TMC7: variants seen among roughly 807,000 people sequenced by gnomAD.
The protein encoded by TMC7 is transmembrane channel like 7.
In TMC7, 54 loss-of-function variants were observed where a neutral mutation model predicts 82.9. The observed-to-expected ratio is 0.65, with a 90% CI of 0.52 to 0.82. TMC7 has a LOEUF of 0.82. Ranked by LOEUF, TMC7 falls within the 40% of genes least tolerant of loss-of-function variation. TMC7 has a pLI of 0.00. For missense variants in TMC7, 820 were observed against 901.2 expected (o/e 0.91, Z 1.15); for synonymous variants, 350 against 337.9 (o/e 1.04, Z -0.39).
chr16:18,990,492 A>T (rs976967996), intron 1 of TMC7, among the ~76,000 whole-genome samples: 1 of 152,142 alleles, frequency 6.6e-6, no homozygotes, highest in Non-Finnish European at 1.5e-5. Context: ...ACAGGGTTTC[A>T]CCAGATTGGC....
At chr16:19,034,055 A>G (rs570686079) in intron 6 of TMC7, among the ~76,000 whole-genome samples, 6 of 152,332 alleles carry the variant, frequency 3.9e-5, no homozygotes, top group Admixed American at 6.5e-5. Context: ...AAGCATTTGA[A>G]TGAATAAAAA....
At chr16:19,031,943 G>A (rs1960535840) in intron 6 of TMC7, among the ~76,000 whole-genome samples, 1 of 152,166 alleles carries the variant, frequency 6.6e-6, no homozygotes, top group Non-Finnish European at 1.5e-5. Context: ...CTACAGCTCA[G>A]TCACATGACT....
chr16:19,052,645 C>G (rs868737804), intron 13 of TMC7, among the ~76,000 whole-genome samples: 1 of 152,080 alleles, frequency 6.6e-6, no homozygotes, highest in Non-Finnish European at 1.5e-5. Flanking sequence ...GACCTTGTCT[C>G]AAATTAAAAA....
intron 8 of TMC7, among the ~76,000 whole-genome samples, chr16:19,038,828 T>A (rs1255800887): frequency 3.3e-5 from 5 of 152,016 alleles, no homozygotes; most frequent in African/African-American, 4.8e-5. Context: ...TTAGAGAAAA[T>A]TTTAAAAGCA....
Position 19,016,487 on chromosome 16 carries a change from T to C in TMC7, c.349T>C (p.Trp117Arg), listed in dbSNP as rs1193924940. ...QETQMKYLSE[W>R]DQWKRYSSKS... is the part of the protein sequence containing the mutation. ...GACACAAATGAAGTATCTCTCCGAA[T>C]GGGACCAGTGGAAGCGGTATAGCAG... The change falls in exon 3 of 16, where the codon TGG (tryptophan) becomes CGG (arginine). Residue 117 changes from tryptophan (W) to arginine (R), a missense_variant. Coordinates refer to ENST00000304381, the MANE Select transcript of TMC7 (RefSeq NM_024847.4). The C allele has an allele frequency of 3.7e-6, 6 of 1,614,082 alleles. No individual in the cohort carries two copies. Among genetic ancestry groups the C allele is most frequent in the African/African-American group, 2.7e-5 (2 of 74,942 alleles).
intron 3 of TMC7, among the ~76,000 whole-genome samples, chr16:19,018,435 A>G (rs1040218079): frequency 4.6e-5 from 7 of 152,206 alleles, no homozygotes; most frequent in African/African-American, 1.7e-4. Context: ...GCTCTGAGAA[A>G]GAGTGCAAAC....
chr16:19,033,903 A>T (rs1960625738), intron 6 of TMC7: 1 of 152,184 alleles, frequency 6.6e-6, no homozygotes, highest in African/African-American at 2.4e-5. Context: ...CTTTGGCAGA[A>T]TGACTGATCA....
At chr16:19,054,667 A>ATTGCACCAAT (rs1961687741) in intron 13 of TMC7, among the ~76,000 whole-genome samples, 1 of 147,862 alleles carries the variant, frequency 6.8e-6, no homozygotes, top group African/African-American at 2.5e-5. Context: ...GTGAGCCGAG[A>ATTGCACCAAT]TTGCACCAAT....
chr16:19,009,232 T>A lies in TMC7; in HGVS notation c.128T>A (p.Leu43Ter). 6.2e-7 allele frequency: 1 copy of A among 1,614,180 alleles called. No homozygotes were observed. The highest frequency in any genetic ancestry group is 8.5e-7 in the Non-Finnish European group (1 of 1,180,022). ...SSPPVNFLQELPSYRSIARRR... is the reference protein window; with the variant it reads ...SSPPVNFLQE ...CCACCTGTGAACTTCCTCCAAGAAT[T>A]GCCAAGCTACCGGTCCATTGCACGT... Residue 43 changes from leucine (L) to a stop codon, truncating the protein, a stop_gained, in exon 2 of 16, where the codon TTG becomes TAG. Transcript: ENST00000304381. LOFTEE classifies it high-confidence loss of function.
intron 14 of TMC7, among the ~76,000 whole-genome samples, chr16:19,058,400 A>AATAT (rs1961865506): frequency 7.3e-6 from 1 of 136,220 alleles, no homozygotes; most frequent in Non-Finnish European, 1.6e-5. Context: ...TAAATAAATA[A>AATAT]AATAAATAAA....
chr16:18,985,093 C>G (rs1186081173), intron 1 of TMC7, among the ~76,000 whole-genome samples: 2 of 152,092 alleles, frequency 1.3e-5, no homozygotes, highest in Admixed American at 6.6e-5. Flanking sequence ...AACCCCATCT[C>G]TACTGAAGAT....
intron 1 of TMC7, among the ~76,000 whole-genome samples, chr16:18,997,979 G>A (rs1257599478): frequency 1.3e-5 from 2 of 151,828 alleles, no homozygotes; most frequent in Non-Finnish European, 2.9e-5. Flanking sequence ...TGATCCGCCC[G>A]CCTCGGTCTC....
chr16:19,058,348 C>G (rs556507843), intron 14 of TMC7, among the ~76,000 whole-genome samples: 72 of 152,166 alleles, frequency 4.7e-4, no homozygotes, highest in Admixed American at 1.4e-3. Flanking sequence ...CCATTGCACT[C>G]AAGCCTGGGC....
chr16:19,006,983 G>GT (rs532737190), intron 1 of TMC7, among the ~76,000 whole-genome samples: 2,533 of 144,196 alleles, frequency 0.018, 44 homozygotes, highest in African/African-American at 0.048. Context: ...CGTGCAGCTA[G>GT]TTTTTTTTTT....
rs6497319 is a variant in TMC7, at chr16:19,031,861, C to A, written c.857+1492C>A. Among the ~76,000 whole-genome samples, 1,449 of 152,142 alleles carry A rather than the reference C, an allele frequency of 9.5e-3. 26 individuals are homozygous for A. Among genetic ancestry groups the A allele is most frequent in the African/African-American group, 0.033 (1,355 of 41,460 alleles). The stretch of plus-strand genomic sequence containing the variant: ...CCAAGGGATGGGAAAGGAAAACTCA[C>A]GGAGGAGAACCATGCGGATGGTATT... On this transcript the variant is annotated intron_variant, in intron 6 of 15. Transcript: ENST00000304381.
At chr16:19,058,973 G>C (rs1961887777) in intron 14 of TMC7, among the ~76,000 whole-genome samples, 1 of 152,108 alleles carries the variant, frequency 6.6e-6, no homozygotes, top group Non-Finnish European at 1.5e-5. Flanking sequence ...TGCCTCTTGG[G>C]TTCAAGGGAT....
In TMC7 at chr16:19,016,398, G is replaced by A. The variant is rs372927979; in HGVS notation, c.312-52G>A. ...AGCTACTGTGCCAGGCTGGGATGCT[G>A]AGTCTTGATGCTGCTGTTGTTGTCA... is the stretch of plus-strand genomic sequence containing the variant. On this transcript the variant is annotated intron_variant, in intron 2 of 15. Coordinates refer to ENST00000304381, the MANE Select transcript of TMC7 (RefSeq NM_024847.4). 1.4e-5 allele frequency: 22 copies of A among 1,607,818 alleles called. No homozygotes were observed. In the African/African-American group the frequency reaches 2.1e-4, roughly 16 times the overall value.
chr16:18,984,449 G>T, intron 1 of TMC7: 1 of 1,166,500 alleles, frequency 8.6e-7, no homozygotes. Flanking sequence ...TAAATGAAAG[G>T]ATTTGAGCAC....
intron 9 of TMC7, among the ~76,000 whole-genome samples, chr16:19,044,609 G>A (rs983013100): frequency 1.1e-4 from 17 of 151,752 alleles, no homozygotes; most frequent in African/African-American, 3.6e-4. Flanking sequence ...AGACCACCTG[G>A]GCAATATGGT....
Sources: allele counts gnomAD v4.1 joint callset (sites outside exome capture counted in the v4.1 genomes callset), GRCh38; gene constraint gnomAD v4.1.1; transcripts MANE v1.5; gene names NCBI Gene and HGNC (gene_info 2026-07-23, HGNC 2026-07-21).